CMKLR2: variants seen among roughly 807,000 people sequenced by gnomAD.
CMKLR2 encodes chemerin-like receptor 2.
In CMKLR2, 18 loss-of-function variants were observed where a neutral mutation model predicts 23.0. The ratio of observed to expected loss-of-function variants is 0.78; its 90% CI spans 0.54 to 1.16. CMKLR2 has a LOEUF of 1.16. CMKLR2 is among the 50% of genes most tolerant of loss of function. The pLI, the probability that CMKLR2 is intolerant of heterozygous loss-of-function variation, is 0.00. For synonymous variants in CMKLR2, 158 were observed against 158.9 expected, an observed-to-expected ratio of 0.99 and a Z score of 0.05; for missense variants, 401 against 412.7, an observed-to-expected ratio of 0.97 and a Z score of 0.25.
At chr2:206,186,985 C>T (rs990322973) in intron 1 of CMKLR2, among the ~76,000 whole-genome samples, 2 of 151,926 alleles carry the variant, frequency 1.3e-5, no homozygotes, top group African/African-American at 4.8e-5. Context: ...CCCAGGAGTT[C>T]AAGACCACCC....
intron 1 of CMKLR2, among the ~76,000 whole-genome samples, chr2:206,202,856 C>G (rs1199806474): frequency 6.6e-6 from 1 of 152,086 alleles, no homozygotes; most frequent in African/African-American, 2.4e-5. Context: ...AAGCCTGTCA[C>G]CCCTCCATCC....
intron 1 of CMKLR2, among the ~76,000 whole-genome samples, chr2:206,206,917 C>CCTTT (rs34198269): frequency 7.9e-5 from 10 of 126,140 alleles, no homozygotes; most frequent in African/African-American, 3.0e-4. Flanking sequence ...CCCCCTGCCC[C>CCTTT]TTTTTTTTTT....
chr2:206,195,728 G>A (rs1000055000), intron 1 of CMKLR2, among the ~76,000 whole-genome samples: 1 of 152,090 alleles, frequency 6.6e-6, no homozygotes, highest in East Asian at 1.9e-4. Flanking sequence ...GCCGAGGCAG[G>A]CAGATCACCT....
intron 1 of CMKLR2, among the ~76,000 whole-genome samples, chr2:206,195,950 A>C (rs1052463024): frequency 3.9e-5 from 6 of 152,038 alleles, no homozygotes; most frequent in African/African-American, 1.4e-4. Context: ...GTGAAACTCC[A>C]TCTCAAAAAC....
intron 1 of CMKLR2, among the ~76,000 whole-genome samples, chr2:206,194,477 G>A (rs1245775529): frequency 9.5e-6 from 1 of 104,930 alleles, no homozygotes; most frequent in Non-Finnish European, 1.9e-5. Context: ...TTTTTTTTTG[G>A]TGACAGAATA....
At chr2:206,210,524 T>C (rs965659546) in intron 1 of CMKLR2, among the ~76,000 whole-genome samples, 5 of 151,432 alleles carry the variant, frequency 3.3e-5, no homozygotes, top group Admixed American at 3.3e-4. Flanking sequence ...AATGGCACAA[T>C]CTTGGCTTAC....
At chr2:206,216,449 A>T (rs1271116810), upstream of CMKLR2, among the ~76,000 whole-genome samples, 1 of 152,140 alleles carries the variant, frequency 6.6e-6, no homozygotes, top group Non-Finnish European at 1.5e-5. Flanking sequence ...GCAAGACTCC[A>T]TCTCGAAATA....
At chr2:206,191,988 AC>A (rs1481204361) in intron 1 of CMKLR2, among the ~76,000 whole-genome samples, 1 of 151,304 alleles carries the variant, frequency 6.6e-6, no homozygotes, top group African/African-American at 2.4e-5. Flanking sequence ...TTACAGGCGC[AC>A]ACCACCACAC....
At chr2:206,211,418 G>A (rs1289732301) in intron 1 of CMKLR2, among the ~76,000 whole-genome samples, 3 of 151,820 alleles carry the variant, frequency 2.0e-5, no homozygotes, top group Non-Finnish European at 4.4e-5. Flanking sequence ...TCCGCCTCCC[G>A]GGTTCAAGCA....
chr2:206,196,727 A>G (rs919136917), intron 1 of CMKLR2, among the ~76,000 whole-genome samples: 3 of 152,256 alleles, frequency 2.0e-5, no homozygotes, highest in Admixed American at 2.0e-4. Context: ...GTACTACGTC[A>G]GAAGTCCACA....
At chr2:206,210,902 T>A (rs1414309050) in intron 1 of CMKLR2, among the ~76,000 whole-genome samples, 2 of 152,154 alleles carry the variant, frequency 1.3e-5, no homozygotes, top group Non-Finnish European at 2.9e-5. Flanking sequence ...AAAGAGAAAG[T>A]TTTGTGAAAA....
intron 1 of CMKLR2, among the ~76,000 whole-genome samples, chr2:206,206,798 G>T (rs896905055): frequency 6.6e-5 from 10 of 152,196 alleles, no homozygotes; most frequent in Admixed American, 3.3e-4. Flanking sequence ...AGGCATTCAC[G>T]TGCCCGGGCA....
At chr2:206,202,715 G>A (rs1272080145) in intron 1 of CMKLR2, among the ~76,000 whole-genome samples, 2 of 152,224 alleles carry the variant, frequency 1.3e-5, no homozygotes, top group Admixed American at 6.5e-5. Flanking sequence ...TGGTGGCAGC[G>A]GCGGGGGGCT....
At position 206,176,694 on chromosome 2, in the gene CMKLR2, G is replaced by A. The variant is rs769828775; in HGVS notation, c.554C>T (p.Thr185Ile). The change falls in exon 2 of 2, where the codon ACT becomes ATT. Residue 185 changes from threonine (T) to isoleucine (I), a missense_variant. Physicochemically the swap from Thr to Ile is moderately conservative, Grantham distance 89. Transcript: ENST00000621141. ...CTTCTGAAAATTGTTATAGCAAAGA[G>A]TATGATTATTGAACTCCACAGTGTC... ...FRDTVEFNNH[T>I]LCYNNFQKHD... 2.5e-6 allele frequency: 4 copies of A among 1,614,214 alleles called. No homozygotes were observed. The highest frequency in any genetic ancestry group is 3.4e-6 in the Non-Finnish European group (4 of 1,180,032).
rs1576035332 is a variant in CMKLR2, at chr2:206,180,686, A to T, written c.-28-3411T>A. Among the ~76,000 whole-genome samples the T allele has an allele frequency of 2.0e-5, 3 of 150,900 alleles. No individual in the cohort carries two copies. The East Asian group carries it at 5.9e-4, about 29-fold the overall frequency. ...TGGCCTTAAGTGATTCTCTTGCCTC[A>T]GCCTCCCAGAGTGCTGGAATTACAG... On this transcript the variant is annotated intron_variant, in intron 1 of 1. Coordinates refer to ENST00000621141, the MANE Select transcript of CMKLR2 (RefSeq NM_001389445.1).
chr2:206,182,061 A>G (rs888810373), intron 1 of CMKLR2, among the ~76,000 whole-genome samples: 2 of 151,998 alleles, frequency 1.3e-5, no homozygotes, highest in African/African-American at 2.4e-5. Context: ...CATCTTTACA[A>G]TAAGTAGGTT....
chr2:206,186,229 A>G (rs1291466242), intron 1 of CMKLR2, among the ~76,000 whole-genome samples: 1 of 150,824 alleles, frequency 6.6e-6, no homozygotes, highest in Non-Finnish European at 1.5e-5. Context: ...CTCTTGCCTC[A>G]GCCTCCTGAG....
intron 1 of CMKLR2, among the ~76,000 whole-genome samples, chr2:206,193,451 T>C (rs1334015812): frequency 6.6e-6 from 1 of 152,220 alleles, no homozygotes; most frequent in Non-Finnish European, 1.5e-5. Flanking sequence ...AGGAAGAATA[T>C]GGGCACTGAA....
intron 1 of CMKLR2, among the ~76,000 whole-genome samples, chr2:206,181,595 T>C (rs72944872): frequency 2.1e-3 from 318 of 152,300 alleles, no homozygotes; most frequent in Middle Eastern, 0.02. Context: ...ATATTTTGTA[T>C]GTTTTATGTA....
Sources: gnomAD v4.1 joint callset for allele counts (sites outside exome capture counted in the v4.1 genomes callset) on GRCh38, gnomAD v4.1.1 for gene constraint, MANE v1.5 for transcripts, NCBI Gene and HGNC (gene_info 2026-07-23, HGNC 2026-07-21) for gene names.